Variants in MAP2 observed in about 807,000 individuals in gnomAD.
The protein encoded by MAP2 is microtubule-associated protein 2.
In MAP2, 14 loss-of-function variants were observed where a neutral mutation model predicts 137.6. The ratio of observed to expected loss-of-function variants is 0.10; its 90% CI spans 0.07 to 0.16. The LOEUF is 0.16. MAP2 is among the 10% of genes least tolerant of loss of function. The pLI is 1.00. For missense variants in MAP2, 2,088 were observed against 2,191.5 expected (o/e 0.95, Z 0.94); for synonymous variants, 786 against 782.3 (o/e 1.00, Z -0.08).
intron 5 of MAP2, among the ~76,000 whole-genome samples, chr2:209,658,034 G>T (rs1465895783): frequency 6.6e-6 from 1 of 152,032 alleles, no homozygotes; most frequent in Non-Finnish European, 1.5e-5. Flanking sequence ...ATGCATTTTG[G>T]TCCCCACAGA....
At chr2:209,726,838 T>C (rs141753545) in intron 14 of MAP2, among the ~76,000 whole-genome samples, 32 of 152,320 alleles carry the variant, frequency 2.1e-4, no homozygotes, top group African/African-American at 7.7e-4. Flanking sequence ...GAGAATATTT[T>C]GACACAATTC....
chr2:209,457,376 T>C (rs1467798593), intron 1 of MAP2, among the ~76,000 whole-genome samples: 1 of 152,212 alleles, frequency 6.6e-6, no homozygotes, highest in Non-Finnish European at 1.5e-5. Context: ...GTGAACCAGC[T>C]GCTAGAAAAT....
At chr2:209,511,908 A>G (rs1351088663) in intron 2 of MAP2, among the ~76,000 whole-genome samples, 1 of 151,962 alleles carries the variant, frequency 6.6e-6, no homozygotes, top group Non-Finnish European at 1.5e-5. Context: ...TTTATCTGAA[A>G]TTATTTACCC....
intron 1 of MAP2, among the ~76,000 whole-genome samples, chr2:209,502,820 A>G (rs535433173): frequency 8.5e-4 from 129 of 151,862 alleles, no homozygotes; most frequent in Non-Finnish European, 7.8e-4. Flanking sequence ...TTTGATTTTC[A>G]TTTCTCTGAT....
At chr2:209,495,061 A>G (rs1445489703) in intron 1 of MAP2, among the ~76,000 whole-genome samples, 2 of 152,246 alleles carry the variant, frequency 1.3e-5, no homozygotes, top group Non-Finnish European at 2.9e-5. Flanking sequence ...TCGGTAAACA[A>G]AGCCACCCGA....
At chr2:209,710,815 T>C (rs2065188221) in intron 13 of MAP2, 1 of 153,330 alleles carries the variant, frequency 6.5e-6, no homozygotes, top group African/African-American at 2.4e-5. Context: ...ATGAATAAAA[T>C]TGTAGACTTT....
In MAP2 at chr2:209,471,454, A is replaced by C. The variant is rs187224855; in HGVS notation, c.-221-36138A>C. On this transcript the variant is annotated intron_variant, in intron 1 of 15. Coordinates refer to ENST00000682079, the MANE Select transcript of MAP2 (RefSeq NM_001375505.1). ...CATGTCCTTAGCTATTGAATTGTTA[A>C]ATAAAAGTAGGTGCTGCTAGGGTAA... Among the ~76,000 whole-genome samples, 39 of 152,310 alleles carry C rather than the reference A, an allele frequency of 2.6e-4. No homozygotes were observed. In the South Asian group the frequency reaches 3.9e-3, roughly 15 times the overall value.
At chr2:209,492,262 A>G in intron 1 of MAP2, among the ~76,000 whole-genome samples, 1 of 152,212 alleles carries the variant, frequency 6.6e-6, no homozygotes, top group East Asian at 1.9e-4. Context: ...AAAGCACTCA[A>G]TAAACTAGGT....
At chr2:209,539,730 A>T (rs1410216851) in intron 2 of MAP2, among the ~76,000 whole-genome samples, 1 of 151,824 alleles carries the variant, frequency 6.6e-6, no homozygotes, top group Non-Finnish European at 1.5e-5. Flanking sequence ...TATGTCTGTG[A>T]TGATGGAATA....
intron 2 of MAP2, among the ~76,000 whole-genome samples, chr2:209,515,383 T>A (rs1004002611): frequency 1.3e-5 from 2 of 152,052 alleles, no homozygotes; most frequent in Non-Finnish European, 2.9e-5. Context: ...GTTGGGTAAT[T>A]TATAAGGAAA....
chr2:209,451,554 C>T (rs1468498436), intron 1 of MAP2, among the ~76,000 whole-genome samples: 2 of 152,150 alleles, frequency 1.3e-5, no homozygotes, highest in Non-Finnish European at 2.9e-5. Context: ...CAGTTTTCTA[C>T]TTTTCTAGCC....
At chr2:209,545,166 A>G (rs1366738134) in intron 2 of MAP2, among the ~76,000 whole-genome samples, 1 of 152,156 alleles carries the variant, frequency 6.6e-6, no homozygotes, top group Non-Finnish European at 1.5e-5. Flanking sequence ...AAATTAGGTT[A>G]TTTATGCTCT....
chr2:209,695,236 G>A lies in MAP2; in HGVS notation c.3066G>A (p.Val1022=). ...AAGCAGAGAAGGGTCTTAGTTCAGT[G>A]CCAGAGATAGCTGAGGTAGAACCAT... is the stretch of plus-strand genomic sequence containing the variant. ...SEKAEKGLSS[V]PEIAEVEPSK... is the part of the protein sequence containing the mutation. The change falls in exon 8 of 16, where the codon GTG becomes GTA. Residue 1022 remains valine (V), a synonymous_variant. Coordinates refer to ENST00000682079, the MANE Select transcript of MAP2 (RefSeq NM_001375505.1). 1.2e-6 allele frequency: 2 copies of A among 1,613,926 alleles called. No homozygotes were observed. Among genetic ancestry groups the A allele is most frequent in the South Asian group, 1.1e-5 (1 of 91,054 alleles).
chr2:209,545,239 C>T (rs1040966563), intron 2 of MAP2, among the ~76,000 whole-genome samples: 3 of 152,044 alleles, frequency 2.0e-5, no homozygotes, highest in Non-Finnish European at 4.4e-5. Flanking sequence ...TACACTTTAC[C>T]ATCTGTCTGT....
chr2:209,593,919 T>TATTTA (rs201738760), intron 3 of MAP2, among the ~76,000 whole-genome samples: 5 of 123,518 alleles, frequency 4.0e-5, no homozygotes, highest in African/African-American at 5.9e-5. Flanking sequence ...TATATTTATA[T>TATTTA]TATTAAAATA....
intron 4 of MAP2, among the ~76,000 whole-genome samples, chr2:209,626,800 C>T (rs1306428018): frequency 6.6e-6 from 1 of 152,102 alleles, no homozygotes; most frequent in Non-Finnish European, 1.5e-5. Flanking sequence ...AAAGTTGACT[C>T]ATCTTAATGT....
At chr2:209,470,367 A>C (rs910703604) in intron 1 of MAP2, among the ~76,000 whole-genome samples, 2 of 152,028 alleles carry the variant, frequency 1.3e-5, no homozygotes, top group Non-Finnish European at 2.9e-5. Flanking sequence ...CTTCTTTAGC[A>C]GTTTGAATTT....
At chr2:209,444,511 ATTTGTCTAAAAT>A (rs1698582256) in intron 1 of MAP2, among the ~76,000 whole-genome samples, 1 of 151,608 alleles carries the variant, frequency 6.6e-6, no homozygotes, top group East Asian at 1.9e-4. Context: ...GAGGAAGCCT[ATTTGTCTAAAAT>A]TAGAACCTGG....
At chr2:209,615,191 G>A (rs1440700677) in intron 3 of MAP2, among the ~76,000 whole-genome samples, 1 of 152,150 alleles carries the variant, frequency 6.6e-6, no homozygotes, top group Admixed American at 6.5e-5. Flanking sequence ...ATAGCCTGGT[G>A]CTCTGTCCCC....
Sources: gnomAD v4.1 joint callset for allele counts (sites outside exome capture counted in the v4.1 genomes callset) on GRCh38, gnomAD v4.1.1 for gene constraint, MANE v1.5 for transcripts, NCBI Gene and HGNC (gene_info 2026-07-23, HGNC 2026-07-21) for gene names.